The following ZRANB3 variants were observed in gnomAD, a reference collection of about 807,000 sequenced individuals.
ZRANB3 encodes the protein zinc finger RANBP2-type containing 3.
Under a neutral mutation model 133.8 loss-of-function variants are expected in ZRANB3, and 125 were observed. The observed-to-expected ratio is 0.93, with a 90% confidence interval of 0.81 to 1.08. The LOEUF is 1.08. ZRANB3 is among the 50% of genes least tolerant of loss of function. The probability of loss-of-function intolerance (pLI) is 0.00; values close to 1 mark genes in which losing one functional copy is unlikely to be tolerated. For synonymous variants in ZRANB3, 387 were observed against 432.7 expected (o/e 0.89, Z 1.31); for missense variants, 1,229 against 1,275.5 (o/e 0.96, Z 0.56).
chr2:135,372,584 G>A (rs557835265), intron 3 of ZRANB3, among the ~76,000 whole-genome samples: 2 of 151,966 alleles, frequency 1.3e-5, no homozygotes, highest in Non-Finnish European at 1.5e-5. Context: ...TCAGGAGATC[G>A]AGACCATCCT....
At chr2:135,220,543 T>A (rs1694496862) in intron 15 of ZRANB3, among the ~76,000 whole-genome samples, 1 of 150,914 alleles carries the variant, frequency 6.6e-6, no homozygotes, top group African/African-American at 2.4e-5. Context: ...ACTAAAAATA[T>A]AAAAATTAGC....
chr2:135,520,262 G>A (rs920968377), intron 1 of ZRANB3, among the ~76,000 whole-genome samples: 1 of 151,870 alleles, frequency 6.6e-6, no homozygotes, highest in Middle Eastern at 3.2e-3. Context: ...ATGGTGGCAG[G>A]TGCCTTGCCT....
chr2:135,457,273 T>G (rs536329712), intron 2 of ZRANB3, among the ~76,000 whole-genome samples: 1 of 152,248 alleles, frequency 6.6e-6, no homozygotes, highest in African/African-American at 2.4e-5. Flanking sequence ...AATGTATACA[T>G]GTTTTTGTCA....
chr2:135,388,481 T>TC (rs959404386), intron 3 of ZRANB3, among the ~76,000 whole-genome samples: 2 of 149,566 alleles, frequency 1.3e-5, no homozygotes, highest in Non-Finnish European at 3.0e-5. Flanking sequence ...GCTAAGATTT[T>TC]TCACCATGAC....
chr2:135,406,936 A>G (rs968211158), intron 2 of ZRANB3, among the ~76,000 whole-genome samples: 3 of 151,884 alleles, frequency 2.0e-5, no homozygotes, highest in African/African-American at 7.3e-5. Context: ...CTCTCTCACC[A>G]CTCCTATTCA....
chr2:135,353,384 C>G (rs1685292238), intron 4 of ZRANB3, 66 bp downstream of exon 4: 3 of 1,156,624 alleles, frequency 2.6e-6, no homozygotes, highest in African/African-American at 1.6e-5. Context: ...CATTCTAAAA[C>G]ATGAATATAT....
At chr2:135,296,476 C>T (rs768403433) in intron 8 of ZRANB3, among the ~76,000 whole-genome samples, 4 of 151,978 alleles carry the variant, frequency 2.6e-5, no homozygotes, top group East Asian at 3.9e-4. Flanking sequence ...GTTAGCCATT[C>T]GTCTAATTTT....
intron 3 of ZRANB3, among the ~76,000 whole-genome samples, chr2:135,359,366 T>C (rs1428170403): frequency 2.0e-5 from 3 of 152,054 alleles, no homozygotes; most frequent in African/African-American, 7.2e-5. Flanking sequence ...GCAGGACTGC[T>C]TGAGGCCAGG....
chr2:135,335,667 C>T (rs2104853147), intron 6 of ZRANB3, among the ~76,000 whole-genome samples: 1 of 151,914 alleles, frequency 6.6e-6, no homozygotes, highest in Middle Eastern at 3.4e-3. Context: ...CACTCCAACC[C>T]AGGCAAAAGA....
intron 4 of ZRANB3, 122 bp downstream of exon 4, chr2:135,353,328 C>T: frequency 1.8e-6 from 1 of 553,826 alleles, no homozygotes; most frequent in South Asian, 6.9e-5. Flanking sequence ...TAAAATTCTC[C>T]ATACTACTTA....
At chr2:135,381,996 T>A (rs1045799547) in intron 3 of ZRANB3, among the ~76,000 whole-genome samples, 3 of 152,166 alleles carry the variant, frequency 2.0e-5, no homozygotes, top group African/African-American at 7.2e-5. Flanking sequence ...GGACGGAGAA[T>A]GACTTTGACG....
At chr2:135,313,334 C>T (rs1406007104) in intron 8 of ZRANB3, among the ~76,000 whole-genome samples, 155 bp downstream of exon 8, 1 of 129,204 alleles carries the variant, frequency 7.7e-6, no homozygotes, top group Non-Finnish European at 1.6e-5. Context: ...GCCAGGGTGA[C>T]AGAGTGAGGC....
chr2:135,247,008 C>G (rs1695830053), intron 12 of ZRANB3, among the ~76,000 whole-genome samples: 1 of 152,172 alleles, frequency 6.6e-6, no homozygotes, highest in Non-Finnish European at 1.5e-5. Context: ...CACTTCAAAG[C>G]TTGGTGCCAT....
At chr2:135,510,551 G>A in intron 1 of ZRANB3, 1 of 672,760 alleles carries the variant, frequency 1.5e-6, no homozygotes, top group Non-Finnish European at 2.7e-6. Flanking sequence ...AAGATTCACT[G>A]CCATGGAGCA....
chr2:135,387,567 T>C (rs185907593), intron 3 of ZRANB3, among the ~76,000 whole-genome samples: 125 of 152,344 alleles, frequency 8.2e-4, no homozygotes, highest in South Asian at 1.0e-3. Context: ...TATGGCCTGA[T>C]TCTTGTATTC....
Position 135,390,829 on chromosome 2 carries a change from A to AAT in ZRANB3, c.162-10_162-9insAT, listed in dbSNP as rs1217903787. 7 of 1,501,130 alleles carry AAT rather than the reference A, an allele frequency of 4.7e-6. No individual in the cohort carries two copies. In the African/African-American group the frequency reaches 5.7e-5, roughly 12 times the overall value. The allele number at this position is 1,501,130 out of a possible 1,614,324, so 93.0% of individuals were successfully genotyped here. A position where few individuals can be genotyped will look rare whatever the true frequency, so the allele number is the denominator to read the frequency against. On this transcript the variant is annotated splice_polypyrimidine_tract_variant and intron_variant, in intron 2 of 20. Coordinates refer to ENST00000264159, the MANE Select transcript of ZRANB3 (RefSeq NM_032143.4). The stretch of plus-strand genomic sequence containing the variant: ...CATCAGCCACCATACACCTGGAAAA[A>AAT]AAAAAAAAAAAAAATTAATTATCAG...
At chr2:135,228,961 G>A (rs1033835301) in intron 13 of ZRANB3, among the ~76,000 whole-genome samples, 1 of 152,008 alleles carries the variant, frequency 6.6e-6, no homozygotes, top group Non-Finnish European at 1.5e-5. Context: ...GGAAAAATCA[G>A]AACTATAAAA....
At chr2:135,268,325 C>T (rs1313672387) in intron 11 of ZRANB3, among the ~76,000 whole-genome samples, 3 of 152,110 alleles carry the variant, frequency 2.0e-5, no homozygotes, top group South Asian at 2.1e-4. Flanking sequence ...CTACCATGCC[C>T]AGCTAATTTT....
intron 3 of ZRANB3, among the ~76,000 whole-genome samples, chr2:135,368,643 A>C (rs569785654): frequency 1.3e-5 from 2 of 152,166 alleles, no homozygotes; most frequent in African/African-American, 2.4e-5. Flanking sequence ...GTATAATTGG[A>C]TTGTTGCAAC....
Sources: allele counts gnomAD v4.1 joint callset (sites outside exome capture counted in the v4.1 genomes callset), GRCh38; gene constraint gnomAD v4.1.1; transcripts MANE v1.5; gene names NCBI Gene and HGNC (gene_info 2026-07-23, HGNC 2026-07-21).